NRXN3: variants seen among roughly 807,000 people sequenced by gnomAD.
NRXN3 encodes the protein neurexin 3.
In NRXN3, 32 loss-of-function variants were observed where a neutral mutation model predicts 137.6. The ratio of observed to expected loss-of-function variants is 0.23; its 90% CI spans 0.18 to 0.31. NRXN3 has a LOEUF of 0.31. NRXN3 is among the 10% of genes least tolerant of loss of function. The probability of loss-of-function intolerance (pLI) is 1.00; values close to 1 mark genes in which losing one functional copy is unlikely to be tolerated. For missense variants in NRXN3, 1,574 were observed against 2,062.5 expected, an observed-to-expected ratio of 0.76 and a Z score of 4.59; for synonymous variants, 798 against 784.5, an observed-to-expected ratio of 1.02 and a Z score of -0.29.
At chr14:79,827,696 T>A (rs1427233228) in intron 20 of NRXN3, among the ~76,000 whole-genome samples, 6 of 26,344 alleles carry the variant, frequency 2.3e-4, no homozygotes, top group Admixed American at 1.4e-3. Flanking sequence ...ACAAACTTTT[T>A]TTTTTTTTTT....
intron 20 of NRXN3, among the ~76,000 whole-genome samples, chr14:79,846,783 G>A (rs78328476): frequency 0.019 from 2,855 of 152,222 alleles, 95 homozygotes; most frequent in African/African-American, 0.066. Flanking sequence ...GAAAGGGATA[G>A]TGTCTTCTTG....
chr14:78,767,463 A>T (rs998017810), intron 8 of NRXN3, among the ~76,000 whole-genome samples: 1 of 152,234 alleles, frequency 6.6e-6, no homozygotes, highest in Non-Finnish European at 1.5e-5. Flanking sequence ...AAGTGTGAAT[A>T]TCAAGAGGTG....
chr14:79,606,722 T>C (rs1305225417), intron 16 of NRXN3, among the ~76,000 whole-genome samples: 1 of 152,238 alleles, frequency 6.6e-6, no homozygotes, highest in Non-Finnish European at 1.5e-5. Flanking sequence ...TAGAATATTC[T>C]GATTATTAAG....
intron 14 of NRXN3, among the ~76,000 whole-genome samples, chr14:78,971,607 C>T (rs2099440994): frequency 6.6e-6 from 1 of 151,948 alleles, no homozygotes; most frequent in Non-Finnish European, 1.5e-5. Context: ...GCAAAAGAGT[C>T]CAAAATTATT....
intron 4 of NRXN3, among the ~76,000 whole-genome samples, chr14:78,613,832 A>G (rs972123121): frequency 2.6e-5 from 4 of 152,164 alleles, no homozygotes; most frequent in Non-Finnish European, 5.9e-5. Context: ...GTCAAAAGCA[A>G]CAACCTCAAG....
At chr14:79,177,006 T>C (rs2062412524) in intron 15 of NRXN3, among the ~76,000 whole-genome samples, 1 of 152,192 alleles carries the variant, frequency 6.6e-6, no homozygotes, top group Non-Finnish European at 1.5e-5. Context: ...GAGTGTGGTA[T>C]AGACTTGGAA....
chr14:79,774,553 A>G (rs1277475348), intron 19 of NRXN3, among the ~76,000 whole-genome samples: 1 of 152,182 alleles, frequency 6.6e-6, no homozygotes, highest in African/African-American at 2.4e-5. Flanking sequence ...ACATTGGATT[A>G]TATTCAGAAA....
At chr14:79,337,939 A>G (rs1192251351) in intron 15 of NRXN3, among the ~76,000 whole-genome samples, 3 of 152,158 alleles carry the variant, frequency 2.0e-5, no homozygotes, top group Non-Finnish European at 4.4e-5. Flanking sequence ...TGATTGCTTC[A>G]CCAAACAGCC....
In NRXN3 at chr14:79,023,518, G is replaced by C. The variant is rs545557421; in HGVS notation, c.3262+35377G>C. Among the ~76,000 whole-genome samples, 7 of 152,150 alleles carry C rather than the reference G, an allele frequency of 4.6e-5. No individual in the cohort carries two copies. The East Asian group carries it at 1.4e-3, about 29-fold the overall frequency. Reference sequence around the variant, plus strand: ...TTTGTGTTGGGATTAAGTGAAGGGAGGTGTATTAGTCCATTCTCACACTGC... The same window carrying C: ...TTTGTGTTGGGATTAAGTGAAGGGACGTGTATTAGTCCATTCTCACACTGC... On this transcript the variant is annotated intron_variant, in intron 15 of 20. Transcript: ENST00000335750.
chr14:78,786,367 G>A (rs2098789346), intron 8 of NRXN3, among the ~76,000 whole-genome samples: 1 of 152,104 alleles, frequency 6.6e-6, no homozygotes, highest in Non-Finnish European at 1.5e-5. Context: ...ACATTATATA[G>A]CATCCAACAG....
intron 16 of NRXN3, among the ~76,000 whole-genome samples, chr14:79,628,235 T>C (rs2098303524): frequency 6.6e-6 from 1 of 152,218 alleles, no homozygotes; most frequent in Non-Finnish European, 1.5e-5. Context: ...ATCATCCTCC[T>C]CCCTCCTTCT....
chr14:79,715,462 G>C (rs957575063), intron 19 of NRXN3, among the ~76,000 whole-genome samples: 2 of 152,186 alleles, frequency 1.3e-5, no homozygotes, highest in African/African-American at 4.8e-5. Flanking sequence ...GGAAGAGGTG[G>C]CATTTGAAAA....
intron 20 of NRXN3, among the ~76,000 whole-genome samples, chr14:79,836,416 C>A (rs981588535): frequency 6.6e-6 from 1 of 152,102 alleles, no homozygotes; most frequent in African/African-American, 2.4e-5. Context: ...GGAAATGTTA[C>A]ACTTGTAGTA....
At chr14:79,668,848 T>C (rs1185321017) in intron 17 of NRXN3, among the ~76,000 whole-genome samples, 1 of 152,112 alleles carries the variant, frequency 6.6e-6, no homozygotes, top group Non-Finnish European at 1.5e-5. Context: ...GCCGCTGACT[T>C]AGAGAAAGTT....
chr14:78,694,758 A>T (rs1230418215), intron 6 of NRXN3, among the ~76,000 whole-genome samples: 7 of 151,912 alleles, frequency 4.6e-5, no homozygotes, highest in Admixed American at 4.6e-4. Flanking sequence ...ATACTCCTAG[A>T]CAATTTTCTA....
At chr14:78,282,834 C>G (rs988403464) in intron 3 of NRXN3, among the ~76,000 whole-genome samples, 1 of 152,214 alleles carries the variant, frequency 6.6e-6, no homozygotes, top group Non-Finnish European at 1.5e-5. Context: ...GGAGACAGCT[C>G]TAGTCTGACT....
chr14:78,725,888 CT>C (rs2098480903), intron 8 of NRXN3, among the ~76,000 whole-genome samples: 1 of 152,162 alleles, frequency 6.6e-6, no homozygotes, highest in South Asian at 2.1e-4. Context: ...CTTATTTAAT[CT>C]TTGCAATAAC....
At chr14:78,736,273 G>A (rs915912135) in intron 8 of NRXN3, among the ~76,000 whole-genome samples, 16 of 152,178 alleles carry the variant, frequency 1.1e-4, no homozygotes, top group Non-Finnish European at 2.1e-4. Context: ...GTAGTTAAAA[G>A]GCAAGATGGT....
intron 4 of NRXN3, among the ~76,000 whole-genome samples, chr14:78,445,270 C>A (rs1281027122): frequency 6.6e-6 from 1 of 152,118 alleles, no homozygotes; most frequent in Non-Finnish European, 1.5e-5. Context: ...AAACCTGGGT[C>A]CTAGTTCTTG....
Sources: allele counts gnomAD v4.1 joint callset (sites outside exome capture counted in the v4.1 genomes callset), GRCh38; gene constraint gnomAD v4.1.1; transcripts MANE v1.5; gene names NCBI Gene and HGNC (gene_info 2026-07-23, HGNC 2026-07-21).